The following SH3D19 variants were observed in gnomAD, a reference collection of about 807,000 sequenced individuals.
SH3D19 encodes SH3 domain-containing protein 19.
Under a neutral mutation model 112.1 loss-of-function variants are expected in SH3D19, and 58 were observed. The ratio of observed to expected loss-of-function variants is 0.52; its 90% CI spans 0.42 to 0.64. The LOEUF (loss-of-function observed/expected upper bound fraction) is 0.64, where lower values mean the gene tolerates loss of function less well. SH3D19 is among the 30% of genes least tolerant of loss of function. The probability of loss-of-function intolerance (pLI) is 0.00; values close to 1 mark genes in which losing one functional copy is unlikely to be tolerated. For missense variants in SH3D19, 1,090 were observed against 1,263.4 expected (o/e 0.86, Z 2.08); for synonymous variants, 391 against 448.5 (o/e 0.87, Z 1.62).
chr4:151,212,193 A>G (rs769833512), intron 2 of SH3D19, among the ~76,000 whole-genome samples: 1 of 152,258 alleles, frequency 6.6e-6, no homozygotes, highest in South Asian at 2.1e-4. Flanking sequence ...TCATTCTGTC[A>G]TCTAGGCCAG....
chr4:151,188,479 A>G (rs1762129625), intron 2 of SH3D19, among the ~76,000 whole-genome samples: 1 of 152,250 alleles, frequency 6.6e-6, no homozygotes, highest in East Asian at 1.9e-4. Flanking sequence ...CCAGTTAAGT[A>G]TCCCTAATCC....
chr4:151,312,482 G>A (rs1484374921), intron 1 of SH3D19, among the ~76,000 whole-genome samples: 1 of 152,206 alleles, frequency 6.6e-6, no homozygotes, highest in African/African-American at 2.4e-5. Flanking sequence ...AAGTTTCAAA[G>A]TTGATTCTGA....
intron 2 of SH3D19, among the ~76,000 whole-genome samples, chr4:151,225,155 C>T (rs1768786632): frequency 6.6e-6 from 1 of 152,108 alleles, no homozygotes; most frequent in Admixed American, 6.5e-5. Context: ...TCAATGCACT[C>T]TAGGGTTTGA....
At position 151,172,771 on chromosome 4, in the gene SH3D19, C is replaced by A. The variant is rs572006086; in HGVS notation, c.1534+1899G>T. Among the ~76,000 whole-genome samples the A allele has an allele frequency of 3.3e-5, 5 of 152,286 alleles. No homozygotes were observed. The South Asian group carries it at 1.0e-3, about 32-fold the overall frequency. On this transcript the variant is annotated intron_variant, in intron 7 of 19. Coordinates refer to ENST00000604030, the MANE Select transcript of SH3D19 (RefSeq NM_001378122.1). ...ATCTGAACAGCTAGCCACTGTGTGACACGGTGAGAAGACTCAAGGATGATC... is the reference window on the plus strand; with the variant it reads ...ATCTGAACAGCTAGCCACTGTGTGAAACGGTGAGAAGACTCAAGGATGATC...
intron 2 of SH3D19, among the ~76,000 whole-genome samples, chr4:151,208,535 T>C (rs1561344356): frequency 6.6e-6 from 1 of 151,896 alleles, no homozygotes; most frequent in Non-Finnish European, 1.5e-5. Flanking sequence ...GAAACCTGGC[T>C]AGTTTTTTGT....
chr4:151,139,890 A>G (rs1561215027), intron 12 of SH3D19, 43 bp from the exon 13 acceptor site: 2 of 1,590,906 alleles, frequency 1.3e-6, no homozygotes, highest in Non-Finnish European at 1.7e-6. Flanking sequence ...TGCAGGATAG[A>G]TGGTGGATTT....
At chr4:151,135,815 C>G (rs1404068748) in intron 14 of SH3D19, among the ~76,000 whole-genome samples, 1 of 152,110 alleles carries the variant, frequency 6.6e-6, no homozygotes, top group Non-Finnish European at 1.5e-5. Context: ...CACACCTACT[C>G]CAAGTGTTGG....
chr4:151,160,356 G>T (rs1427192990), intron 8 of SH3D19, among the ~76,000 whole-genome samples: 4 of 152,098 alleles, frequency 2.6e-5, no homozygotes, highest in Admixed American at 2.6e-4. Context: ...CAAAGTGCTG[G>T]GATTACAGGC....
At chr4:151,308,254 A>G (rs1729111733) in intron 1 of SH3D19, among the ~76,000 whole-genome samples, 1 of 152,232 alleles carries the variant, frequency 6.6e-6, no homozygotes, top group Admixed American at 6.5e-5. Context: ...ACAGCTATGT[A>G]CTGAGCACAT....
At chr4:151,247,016 C>T (rs2149973418) in intron 1 of SH3D19, among the ~76,000 whole-genome samples, 1 of 152,290 alleles carries the variant, frequency 6.6e-6, no homozygotes, top group African/African-American at 2.4e-5. Flanking sequence ...ACCAGCAGTC[C>T]AGCTCCAGAG....
chr4:151,189,080 T>C (rs1279260217), intron 2 of SH3D19, among the ~76,000 whole-genome samples: 2 of 152,134 alleles, frequency 1.3e-5, no homozygotes, highest in Admixed American at 1.3e-4. Context: ...CTTCCAAGAC[T>C]GTGAGACAGT....
In SH3D19 at chr4:151,189,447, G is replaced by T. The variant is rs908299561; in HGVS notation, c.153-1984C>A. Among the ~76,000 whole-genome samples the T allele has an allele frequency of 2.0e-5, 3 of 152,108 alleles. No individual in the cohort carries two copies. The South Asian group carries it at 6.2e-4, about 32-fold the overall frequency. On this transcript the variant is annotated intron_variant, in intron 2 of 19. Transcript: ENST00000604030. Reference sequence around the variant, plus strand: ...TTGTTTTAAGTCACTCAGTGATATGGTTTGGCTGTGTCCCCACCCAAATTT... The same window carrying T: ...TTGTTTTAAGTCACTCAGTGATATGTTTTGGCTGTGTCCCCACCCAAATTT...
intron 1 of SH3D19, among the ~76,000 whole-genome samples, chr4:151,244,293 G>T (rs1350637759): frequency 4.6e-5 from 7 of 152,126 alleles, no homozygotes; most frequent in Non-Finnish European, 8.8e-5. Flanking sequence ...TTGGTTCAAA[G>T]ATATCTTAGT....
In SH3D19 at chr4:151,175,162, A is replaced by T. The variant is rs1057296380; in HGVS notation, c.1042T>A (p.Trp348Arg). The T allele has an allele frequency of 3.1e-6, 5 of 1,613,888 alleles. No individual in the cohort carries two copies. Among genetic ancestry groups the T allele is most frequent in the African/African-American group, 2.7e-5 (2 of 74,856 alleles). Reference protein sequence around the residue: ...KPAANRASGEWDSGTENRLKV... With the variant: ...KPAANRASGERDSGTENRLKV... ...AGTCTGTTCTCAGTCCCAGAGTCCC[A>T]CTCTCCAGAAGCTCTGTTAGCAGCT... Residue 348 changes from tryptophan (W) to arginine (R), a missense_variant, in exon 7 of 20, where the codon TGG becomes AGG. Trp to Arg is a moderately radical substitution (Grantham distance 101). Transcript: ENST00000604030.
At chr4:151,215,164 C>T (rs1766858666) in intron 2 of SH3D19, among the ~76,000 whole-genome samples, 1 of 152,228 alleles carries the variant, frequency 6.6e-6, no homozygotes, top group Non-Finnish European at 1.5e-5. Context: ...TCAAGCAATC[C>T]TCCTGCCTTG....
intron 2 of SH3D19, among the ~76,000 whole-genome samples, chr4:151,215,607 T>G (rs1239022883): frequency 6.6e-6 from 1 of 152,244 alleles, no homozygotes. Context: ...TAAATGTTGC[T>G]GCATTTAGAA....
chr4:151,285,134 T>G (rs1774623179), intron 1 of SH3D19, among the ~76,000 whole-genome samples: 1 of 152,184 alleles, frequency 6.6e-6, no homozygotes, highest in African/African-American at 2.4e-5. Context: ...TTCCAAGGAT[T>G]GACTCTAGTT....
chr4:151,273,047 C>T (rs1773333613), intron 1 of SH3D19, among the ~76,000 whole-genome samples: 1 of 152,138 alleles, frequency 6.6e-6, no homozygotes. Context: ...CTGAATTACA[C>T]TTTATACAGG....
intron 1 of SH3D19, chr4:151,291,191 T>A (rs751728355): frequency 1.2e-6 from 2 of 1,613,938 alleles, no homozygotes; most frequent in Non-Finnish European, 8.5e-7. Context: ...AGCTGGGGAT[T>A]AGAATGTGGT....
Sources: gnomAD v4.1 joint callset for allele counts (sites outside exome capture counted in the v4.1 genomes callset) on GRCh38, gnomAD v4.1.1 for gene constraint, MANE v1.5 for transcripts, NCBI Gene and HGNC (gene_info 2026-07-23, HGNC 2026-07-21) for gene names.